The following RNGTT variants were observed in gnomAD, a reference collection of about 807,000 sequenced individuals.
RNGTT encodes mRNA-capping enzyme.
In RNGTT, 33 loss-of-function variants were observed where a neutral mutation model predicts 79.3. The observed-to-expected ratio is 0.42, with a 90% CI of 0.32 to 0.56. The LOEUF is 0.56. Among genes scored for constraint, RNGTT ranks in the 20% least tolerant of loss-of-function variants. The probability of loss-of-function intolerance (pLI) is 0.17; values close to 1 mark genes in which losing one functional copy is unlikely to be tolerated. For missense variants in RNGTT, 497 were observed against 739.1 expected (o/e 0.67, Z 3.80); for synonymous variants, 222 against 235.9 (o/e 0.94, Z 0.54).
intron 2 of RNGTT, among the ~76,000 whole-genome samples, chr6:88,931,187 T>TAAAAAAAAAAAAAAA (rs34070183): frequency 2.9e-5 from 3 of 101,936 alleles, no homozygotes; most frequent in Non-Finnish European, 1.9e-5. Context: ...TATAAAGCTG[T>TAAAAAAAAAAAAAAA]AAAAAAAAAA....
chr6:88,767,962 GA>G (rs921418613), intron 13 of RNGTT, among the ~76,000 whole-genome samples: 1 of 152,070 alleles, frequency 6.6e-6, no homozygotes, highest in Non-Finnish European at 1.5e-5. Context: ...AAACTATCCT[GA>G]AAGTCATTCC....
At chr6:88,645,842 C>A (rs371160284) in intron 14 of RNGTT, among the ~76,000 whole-genome samples, 1 of 152,174 alleles carries the variant, frequency 6.6e-6, no homozygotes, top group Non-Finnish European at 1.5e-5. Flanking sequence ...ACACCTTATA[C>A]AAAAATTAGT....
intron 12 of RNGTT, among the ~76,000 whole-genome samples, chr6:88,791,819 G>A (rs866765099): frequency 1.7e-4 from 26 of 152,232 alleles, no homozygotes; most frequent in South Asian, 1.0e-3. Context: ...GATTACAGGC[G>A]GGAGCCACCA....
intron 14 of RNGTT, among the ~76,000 whole-genome samples, chr6:88,642,490 G>C (rs970357252): frequency 6.6e-6 from 1 of 152,174 alleles, no homozygotes; most frequent in Non-Finnish European, 1.5e-5. Flanking sequence ...AGTATATACA[G>C]TCTGACATTT....
intron 14 of RNGTT, among the ~76,000 whole-genome samples, chr6:88,624,350 A>C (rs1486907946): frequency 6.6e-6 from 1 of 151,970 alleles, no homozygotes; most frequent in African/African-American, 2.4e-5. Flanking sequence ...ATAGTTATCA[A>C]GACAGTGTGG....
chr6:88,716,760 T>G (rs926973255), intron 13 of RNGTT, among the ~76,000 whole-genome samples: 1 of 152,092 alleles, frequency 6.6e-6, no homozygotes, highest in African/African-American at 2.4e-5. Flanking sequence ...AGATGGGAAC[T>G]GAACAATGAG....
At chr6:88,898,768 A>C (rs1783341488) in intron 6 of RNGTT, among the ~76,000 whole-genome samples, 1 of 151,114 alleles carries the variant, frequency 6.6e-6, no homozygotes, top group African/African-American at 2.4e-5. Flanking sequence ...TATGCAAAGA[A>C]ATAACCAAAA....
rs951914803 is a variant in RNGTT, at chr6:88,612,784, G to A, written c.1729C>T (p.His577Tyr). Reference protein sequence around the residue: ...AASQGQKRKHHLDPDTELMPP... With the variant: ...AASQGQKRKHYLDPDTELMPP... ...ATGAGCTCCGTGTCAGGGTCCAGAT[G>A]ATGTTTTCGCTTCTGTCCTTGAGAA... Residue 577 changes from histidine (H) to tyrosine (Y), a missense_variant, in exon 16 of 16, where the codon CAT (histidine) becomes TAT (tyrosine). Coordinates refer to ENST00000369485, the MANE Select transcript of RNGTT (RefSeq NM_003800.5). 2 of 1,613,370 alleles carry A rather than the reference G, an allele frequency of 1.2e-6. No homozygotes were observed. The highest frequency in any genetic ancestry group is 1.1e-5 in the South Asian group (1 of 91,040).
chr6:88,733,893 A>C (rs1777198326), intron 13 of RNGTT, among the ~76,000 whole-genome samples: 1 of 152,066 alleles, frequency 6.6e-6, no homozygotes, highest in South Asian at 2.1e-4. Context: ...AAATTTTCTC[A>C]GACAAAAACT....
chr6:88,963,247 A>T, intron 1 of RNGTT, 99 bp downstream of exon 1: 1 of 1,215,574 alleles, frequency 8.2e-7, no homozygotes, highest in South Asian at 1.2e-5. Context: ...CTGAAATACC[A>T]CTAATGGGCA....
At chr6:88,740,008 A>C (rs957900961) in intron 13 of RNGTT, among the ~76,000 whole-genome samples, 3 of 151,966 alleles carry the variant, frequency 2.0e-5, no homozygotes, top group African/African-American at 7.2e-5. Context: ...CATTCTGCTG[A>C]CACCAAAGAT....
At chr6:88,664,988 G>A (rs1774343846) in intron 14 of RNGTT, among the ~76,000 whole-genome samples, 1 of 152,166 alleles carries the variant, frequency 6.6e-6, no homozygotes, top group South Asian at 2.1e-4. Context: ...CTCGGTGGGG[G>A]GACATGAAGT....
rs1562202296 is a variant in RNGTT at position 88,698,260 on chromosome 6, A to AAAT, written c.1440-19842_1440-19841insATT. On this transcript the variant is annotated intron_variant, in intron 13 of 15. Transcript: ENST00000369485. ...AATATATATATGAAATATATATATAAATATATATGATATATATATTTCATA... is the reference window on the plus strand; with the variant it reads ...AATATATATATGAAATATATATATAAAATATATATATGATATATATATTTCATA... Among the ~76,000 whole-genome samples, 69 of 95,414 alleles carry AAAT rather than the reference A, an allele frequency of 7.2e-4. 1 individual carries two copies. Among genetic ancestry groups the AAAT allele is most frequent in the African/African-American group, 6.1e-3 (66 of 10,866 alleles). 62.6% of individuals were successfully genotyped at this position (95,414 alleles called of 152,430 possible).
intron 13 of RNGTT, among the ~76,000 whole-genome samples, chr6:88,748,193 G>A (rs1023722556): frequency 7.9e-5 from 12 of 152,118 alleles, no homozygotes; most frequent in Admixed American, 3.3e-4. Context: ...AAGTCAAATC[G>A]AATGTCAGTT....
chr6:88,686,976 A>T (rs2756349), intron 13 of RNGTT, among the ~76,000 whole-genome samples: 39,669 of 150,720 alleles, frequency 0.26, 9,282 homozygotes, highest in African/African-American at 0.63. Context: ...CTATGTAAAA[A>T]TTTTTTTAAA....
chr6:88,899,286 A>G (rs1783365481), intron 6 of RNGTT, among the ~76,000 whole-genome samples: 1 of 151,260 alleles, frequency 6.6e-6, no homozygotes, highest in Non-Finnish European at 1.5e-5. Flanking sequence ...TTTTTGAGAC[A>G]GCCTATCACT....
At chr6:88,680,719 G>A (rs1775062381) in intron 13 of RNGTT, among the ~76,000 whole-genome samples, 1 of 146,602 alleles carries the variant, frequency 6.8e-6, no homozygotes, top group African/African-American at 2.5e-5. Context: ...TCCAGCCCGG[G>A]CAAGAAGAGC....
At chr6:88,954,792 C>A (rs1785371876) in intron 1 of RNGTT, among the ~76,000 whole-genome samples, 1 of 150,214 alleles carries the variant, frequency 6.7e-6, no homozygotes, top group Non-Finnish European at 1.5e-5. Flanking sequence ...CCTGTAATCC[C>A]AACACTTTAG....
At chr6:88,957,347 T>C (rs777910296) in intron 1 of RNGTT, among the ~76,000 whole-genome samples, 8 of 152,142 alleles carry the variant, frequency 5.3e-5, no homozygotes, top group South Asian at 2.1e-4. Context: ...CTATTTAACA[T>C]AGTACTGGAA....
Sources: allele counts gnomAD v4.1 joint callset (sites outside exome capture counted in the v4.1 genomes callset), GRCh38; gene constraint gnomAD v4.1.1; transcripts MANE v1.5; gene names NCBI Gene and HGNC (gene_info 2026-07-23, HGNC 2026-07-21).